TG: variants seen among roughly 807,000 people sequenced by gnomAD.
TG encodes the protein thyroid hormones.
Under a neutral mutation model 324.7 loss-of-function variants are expected in TG, and 270 were observed. The observed-to-expected ratio is 0.83, with a 90% CI of 0.75 to 0.92. The LOEUF (loss-of-function observed/expected upper bound fraction) is 0.92, where lower values mean the gene tolerates loss of function less well. Ranked by LOEUF, TG falls within the 40% of genes least tolerant of loss-of-function variation. The probability of loss-of-function intolerance (pLI) is 0.00; values close to 1 mark genes in which losing one functional copy is unlikely to be tolerated. For missense variants in TG, 3,591 were observed against 3,456.4 expected (o/e 1.04, Z -0.98); for synonymous variants, 1,401 against 1,327.0 (o/e 1.06, Z -1.21).
chr8:133,050,337 T>C (rs1270607502), intron 41 of TG: 4 of 315,924 alleles, frequency 1.3e-5, no homozygotes, highest in African/African-American at 8.4e-5. Flanking sequence ...GATAGTTTCA[T>C]ATATCTGAAT....
chr8:133,051,310 G>A (rs775904746), intron 41 of TG, among the ~76,000 whole-genome samples: 29 of 152,266 alleles, frequency 1.9e-4, no homozygotes, highest in Non-Finnish European at 3.7e-4. Context: ...ATGAGAGTAT[G>A]TTACACCACA....
intron 41 of TG, among the ~76,000 whole-genome samples, chr8:133,042,709 T>TTTTTTTAG (rs1554706931): frequency 7.2e-6 from 1 of 138,594 alleles, no homozygotes; most frequent in Non-Finnish European, 1.5e-5. Flanking sequence ...TTTTTTTTTT[T>TTTTTTTAG]GTGAGATGGA....
intron 41 of TG, among the ~76,000 whole-genome samples, chr8:133,054,623 T>C (rs1040072379): frequency 2.0e-5 from 3 of 152,242 alleles, no homozygotes; most frequent in African/African-American, 7.2e-5. Context: ...TGTTAGCCAA[T>C]AACTTTCTAA....
At chr8:132,957,245 A>G (rs1223179280) in intron 27 of TG, among the ~76,000 whole-genome samples, 1 of 152,176 alleles carries the variant, frequency 6.6e-6, no homozygotes, top group South Asian at 2.1e-4. Context: ...GGTGCTCTAC[A>G]TACATGTGCT....
In TG at chr8:132,887,320, A is replaced by G. The variant is rs779528808; in HGVS notation, c.1948A>G (p.Arg650Gly). 137 of 1,608,842 alleles carry G rather than the reference A, an allele frequency of 8.5e-5. No individual in the cohort carries two copies. Among genetic ancestry groups the G allele is most frequent in the East Asian group, 3.1e-4 (14 of 44,750 alleles). The change falls in exon 9 of 48, where the codon AGA becomes GGA. Residue 650 changes from arginine (R) to glycine (G), a missense_variant. Coordinates refer to ENST00000220616, the MANE Select transcript of TG (RefSeq NM_003235.5). ...NSWGKELPGS[R>G]VRGGQPRCPT... Reference sequence around the variant, plus strand: ...CTGGGGCAAAGAGCTTCCAGGCTCAAGAGTCAGAGGTGGACAGCCAAGGTG... The same window carrying G: ...CTGGGGCAAAGAGCTTCCAGGCTCAGGAGTCAGAGGTGGACAGCCAAGGTG...
intron 16 of TG, 51 bp downstream of exon 16, chr8:132,901,604 G>T: frequency 1.3e-6 from 2 of 1,575,616 alleles, no homozygotes; most frequent in Non-Finnish European, 1.7e-6. Context: ...TCTGTTCTTT[G>T]ATCCAGACTG....
chr8:132,995,296 C>G (rs996190322), intron 35 of TG: 3 of 984,672 alleles, frequency 3.0e-6, no homozygotes, highest in East Asian at 2.3e-4. Flanking sequence ...TACTACCCAC[C>G]ACATACAGCA....
In TG at chr8:133,107,982, C is replaced by CTTTTCCTCTTT. The variant is rs1554725841; in HGVS notation, c.7573-5436_7573-5435insCCTCTTTTTTT. The stretch of plus-strand genomic sequence containing the variant: ...CCAGTCCTTTTTCTTTTCTTTTCTT[C>CTTTTCCTCTTT]TTTTTTTTTTTTTTTTTTTGAGACA... On this transcript the variant is annotated intron_variant, in intron 43 of 47. Coordinates refer to ENST00000220616, the MANE Select transcript of TG (RefSeq NM_003235.5). Among the ~76,000 whole-genome samples, 41 of 134,102 alleles carry CTTTTCCTCTTT rather than the reference C, an allele frequency of 3.1e-4. 2 individuals are homozygous for CTTTTCCTCTTT. The highest frequency in any genetic ancestry group is 8.5e-4 in the African/African-American group (30 of 35,324). 88.0% of individuals were successfully genotyped at this position (134,102 alleles called of 152,430 possible).
chr8:132,917,795 G>T (rs1327016953), intron 20 of TG, among the ~76,000 whole-genome samples: 1 of 151,936 alleles, frequency 6.6e-6, no homozygotes, highest in Non-Finnish European at 1.5e-5. Flanking sequence ...AGGAGGGGTG[G>T]CCTGACCCTA....
At chr8:133,041,794 T>TTG (rs1435468484) in intron 41 of TG, among the ~76,000 whole-genome samples, 1 of 148,998 alleles carries the variant, frequency 6.7e-6, no homozygotes, top group Non-Finnish European at 1.5e-5. Context: ...GTTTTTTTTT[T>TTG]TTTTTTTTTT....
rs1843272043 is a variant in TG at position 133,067,867 on chromosome 8, A to AAGG, written c.7240-27176_7240-27175insGGA. ...CAGAGAGAGAGAGAAAGAAAGAAAG[A>AAGG]AAGGAAGGAAGGAAGGAAGTATGTA... On this transcript the variant is annotated intron_variant, in intron 41 of 47. Transcript: ENST00000220616. Among the ~76,000 whole-genome samples, 6 of 101,836 alleles carry AAGG rather than the reference A, an allele frequency of 5.9e-5. 1 individual carries two copies. Among genetic ancestry groups the AAGG allele is most frequent in the African/African-American group, 1.3e-4 (4 of 31,240 alleles). 66.8% of individuals were successfully genotyped at this position (101,836 alleles called of 152,430 possible). A position where few individuals can be genotyped will look rare whatever the true frequency, so the allele number is the denominator to read the frequency against.
chr8:133,108,999 G>A (rs1264097700), intron 43 of TG, among the ~76,000 whole-genome samples: 2 of 152,196 alleles, frequency 1.3e-5, no homozygotes, highest in Admixed American at 6.5e-5. Context: ...TCATGCAATA[G>A]GCATTTTTCA....
intron 41 of TG, among the ~76,000 whole-genome samples, chr8:133,090,526 G>C (rs1250417561): frequency 6.6e-6 from 1 of 152,230 alleles, no homozygotes; most frequent in East Asian, 1.9e-4. Flanking sequence ...TTTCCCCCAA[G>C]TCAGACAGCG....
chr8:133,070,751 G>A (rs534451046), intron 41 of TG, among the ~76,000 whole-genome samples: 63 of 152,296 alleles, frequency 4.1e-4, no homozygotes, highest in African/African-American at 1.5e-3. Context: ...GGGTCTGCTG[G>A]CAAGACCAGA....
At chr8:133,024,105 G>T (rs1348567745) in intron 40 of TG, among the ~76,000 whole-genome samples, 1 of 152,252 alleles carries the variant, frequency 6.6e-6, no homozygotes, top group Non-Finnish European at 1.5e-5. Flanking sequence ...TCACAGATGG[G>T]TCAGCGGAGC....
Position 133,079,248 on chromosome 8 carries a change from G to A in TG, c.7240-15796G>A, listed in dbSNP as rs149765178. Among the ~76,000 whole-genome samples the A allele has an allele frequency of 4.5e-3, 684 of 152,328 alleles. 1 individual carries two copies. The highest frequency in any genetic ancestry group is 6.5e-3 in the Non-Finnish European group (443 of 68,026). On this transcript the variant is annotated intron_variant, in intron 41 of 47. Coordinates refer to ENST00000220616, the MANE Select transcript of TG (RefSeq NM_003235.5). ...AAGACACCCAGTACCATCTGTGTAG[G>A]AAGCAGCTGATTTCCAGAGGGCTTT...
At chr8:132,988,563 C>A in intron 35 of TG, 1 of 296,490 alleles carries the variant, frequency 3.4e-6, no homozygotes, top group Non-Finnish European at 5.0e-6. Flanking sequence ...GGATGACTAG[C>A]TAGATTTTGA....
chr8:132,964,255 C>G (rs1250810184), intron 29 of TG, among the ~76,000 whole-genome samples: 1 of 152,068 alleles, frequency 6.6e-6, no homozygotes, highest in East Asian at 1.9e-4. Context: ...AGATGCTCCC[C>G]CTGCCCCCTG....
chr8:132,984,746 A>G (rs1831309486), intron 35 of TG, among the ~76,000 whole-genome samples: 1 of 152,178 alleles, frequency 6.6e-6, no homozygotes, highest in Non-Finnish European at 1.5e-5. Context: ...GTTCGAGACC[A>G]GCCTGACCAA....
Sources: allele counts gnomAD v4.1 joint callset (sites outside exome capture counted in the v4.1 genomes callset), GRCh38; gene constraint gnomAD v4.1.1; transcripts MANE v1.5; gene names NCBI Gene and HGNC (gene_info 2026-07-23, HGNC 2026-07-21).